SYTL5: variants seen among roughly 807,000 people sequenced by gnomAD.
SYTL5 encodes the protein synaptotagmin like 5.
A neutral mutation model predicts 55.9 loss-of-function variants in SYTL5; 34 were observed. The observed-to-expected ratio is 0.61, with a 90% CI of 0.46 to 0.81. SYTL5 has a LOEUF of 0.81. Ranked by LOEUF, SYTL5 falls within the 30% of genes least tolerant of loss-of-function variation. SYTL5 has a pLI of 0.00. For synonymous variants in SYTL5, 221 were observed against 188.7 expected (o/e 1.17, Z -1.40); for missense variants, 637 against 546.7 (o/e 1.17, Z -1.65).
chrX:37,997,400 C>A, the SYTL5 span, among the ~76,000 whole-genome samples: 1 of 112,629 alleles, frequency 8.9e-6, no homozygotes, highest in African/African-American at 3.2e-5. Flanking sequence ...CTGCAGCCAT[C>A]CAAATCGCGG....
At chrX:37,894,436 G>A in the SYTL5 span, among the ~76,000 whole-genome samples, 1 of 111,694 alleles carries the variant, frequency 9.0e-6, no homozygotes, top group Admixed American at 9.5e-5. Flanking sequence ...TGGAGTGCCA[G>A]TAGAATATAT....
chrX:38,022,793 G>A (rs1298024799), intron 1 of SYTL5, among the ~76,000 whole-genome samples: 1 of 112,233 alleles, frequency 8.9e-6, no homozygotes, highest in Non-Finnish European at 1.9e-5. Context: ...AGATAGCTAA[G>A]CTAAACTAGG....
At position 38,061,802 on chromosome X, in the gene SYTL5, T is replaced by G. The variant is rs142717118; in HGVS notation, c.329+7380T>G. 4.9e-3 allele frequency among the ~76,000 whole-genome samples: 544 copies of G among 111,205 alleles called. 5 individuals carry two copies. The highest frequency in any genetic ancestry group is 0.017 in the African/African-American group (524 of 30,588). On this transcript the variant is annotated intron_variant, in intron 3 of 16. Coordinates refer to ENST00000297875, the MANE Select transcript of SYTL5 (RefSeq NM_138780.3). Reference sequence around the variant, plus strand: ...CAGCCAGTTAATTCATTTTTCTATCTTAATAATACCTACAAAATTCCACAT... The same window carrying G: ...CAGCCAGTTAATTCATTTTTCTATCGTAATAATACCTACAAAATTCCACAT...
intron 13 of SYTL5, among the ~76,000 whole-genome samples, chrX:38,115,585 C>T (rs1937470691): frequency 9.5e-6 from 1 of 105,248 alleles, no homozygotes; most frequent in African/African-American, 3.4e-5. Context: ...AGTTCTATAA[C>T]ACTTACTATA....
At chrX:38,027,376 T>C (rs1934810848) in intron 1 of SYTL5, among the ~76,000 whole-genome samples, 1 of 112,094 alleles carries the variant, frequency 8.9e-6, no homozygotes, top group Non-Finnish European at 1.9e-5. Context: ...CCCAGAATTA[T>C]AATATTGAAC....
chrX:38,090,773 G>A (rs143436653), intron 7 of SYTL5, among the ~76,000 whole-genome samples: 293 of 112,741 alleles, frequency 2.6e-3, no homozygotes, highest in African/African-American at 8.9e-3. Context: ...AGGGAAGGCT[G>A]CTCTACTTCC....
At chrX:37,923,081 T>C in the SYTL5 span, among the ~76,000 whole-genome samples, 1 of 112,835 alleles carries the variant, frequency 8.9e-6, no homozygotes, top group African/African-American at 3.2e-5. Flanking sequence ...TTCCGTCCAT[T>C]GGCCCTGCCC....
At chrX:38,049,436 T>C (rs1445657152) in intron 2 of SYTL5, among the ~76,000 whole-genome samples, 2 of 111,485 alleles carry the variant, frequency 1.8e-5, no homozygotes, top group Non-Finnish European at 3.8e-5. Context: ...TGTGGTATTG[T>C]TATGGGGGCT....
At chrX:37,919,677 A>G in the SYTL5 span, among the ~76,000 whole-genome samples, 3 of 112,136 alleles carry the variant, frequency 2.7e-5, no homozygotes, top group Non-Finnish European at 5.6e-5. Context: ...TTGGATATAG[A>G]TGTATTTATT....
the SYTL5 span, among the ~76,000 whole-genome samples, chrX:37,982,765 A>C: frequency 1.8e-5 from 2 of 111,773 alleles, no homozygotes; most frequent in Non-Finnish European, 3.8e-5. Flanking sequence ...ATAAATGAGA[A>C]ATAAGAAGGT....
At chrX:38,086,622 A>G (rs1160816749) in intron 6 of SYTL5, among the ~76,000 whole-genome samples, 3 of 111,961 alleles carry the variant, frequency 2.7e-5, no homozygotes, top group African/African-American at 9.7e-5. Flanking sequence ...GAGTAACATT[A>G]TAGCTGGATT....
intron 6 of SYTL5, among the ~76,000 whole-genome samples, chrX:38,076,991 T>C (rs1386741142): frequency 8.9e-6 from 1 of 112,209 alleles, no homozygotes; most frequent in Non-Finnish European, 1.9e-5. Context: ...ATGTTTTTCA[T>C]TGACTTCTTG....
intron 2 of SYTL5, among the ~76,000 whole-genome samples, chrX:38,037,351 A>G (rs755777487): frequency 2.7e-4 from 30 of 111,885 alleles, no homozygotes; most frequent in African/African-American, 9.4e-4. Context: ...TGAGAGCACT[A>G]CATAAGTCGC....
upstream of SYTL5, among the ~76,000 whole-genome samples, chrX:38,002,385 A>G (rs896690283): frequency 1.8e-5 from 2 of 111,790 alleles, no homozygotes; most frequent in African/African-American, 6.5e-5. Flanking sequence ...ATATCCAGTA[A>G]TGGGATGGCT....
At chrX:37,933,913 C>T in the SYTL5 span, among the ~76,000 whole-genome samples, 1 of 111,121 alleles carries the variant, frequency 9.0e-6, no homozygotes, top group Non-Finnish European at 1.9e-5. Context: ...GGTGCCTCAA[C>T]ATGCACTCAG....
intron 3 of SYTL5, 140 bp downstream of exon 3, chrX:38,054,562 A>T: frequency 1.1e-5 from 5 of 459,234 alleles, no homozygotes; most frequent in Non-Finnish European, 1.8e-5. Flanking sequence ...CAGGCTTAGC[A>T]ATGCCTTGGC....
In SYTL5 at chrX:38,054,400, T is replaced by C; in HGVS notation, c.307T>C (p.Cys103Arg). 8.3e-7 allele frequency: 1 copy of C among 1,210,913 alleles called. No individual in the cohort carries two copies. The highest frequency in any genetic ancestry group is 3.0e-5 in the East Asian group (1 of 33,830). The change falls in exon 3 of 17, where the codon TGC becomes CGC. Residue 103 changes from cysteine to arginine, a missense_variant. Cys to Arg is a radical substitution (Grantham distance 180, BLOSUM62 -3). Coordinates refer to ENST00000297875, the MANE Select transcript of SYTL5 (RefSeq NM_138780.3). ...TGCAGGCCCCAATGGCAGCTGGAAG[T>C]GCACTGTCTGTGACAAAATCGCGTG... ...RVAGPNGSWKCTVCDKIAQLR... is the reference protein window; with the variant it reads ...RVAGPNGSWKRTVCDKIAQLR...
At chrX:37,995,361 G>A in the SYTL5 span, among the ~76,000 whole-genome samples, 6 of 112,054 alleles carry the variant, frequency 5.4e-5, no homozygotes, top group Non-Finnish European at 9.4e-5. Flanking sequence ...GGATTTACAT[G>A]GAGATTGTGT....
intron 10 of SYTL5, 66 bp from the exon 11 acceptor site, chrX:38,106,527 G>T: frequency 1.0e-6 from 1 of 962,814 alleles, no homozygotes; most frequent in Non-Finnish European, 1.4e-6. Flanking sequence ...TGAATGAAAT[G>T]AGTTGATTCT....
Sources: allele counts gnomAD v4.1 joint callset (sites outside exome capture counted in the v4.1 genomes callset), GRCh38; gene constraint gnomAD v4.1.1; transcripts MANE v1.5; gene names NCBI Gene and HGNC (gene_info 2026-07-23, HGNC 2026-07-21).